ATG5: variants seen among roughly 807,000 people sequenced by gnomAD.
ATG5 encodes the protein autophagy protein 5.
In ATG5, 14 loss-of-function variants were observed where a neutral mutation model predicts 36.5. The ratio of observed to expected loss-of-function variants is 0.38; its 90% confidence interval spans 0.25 to 0.60. ATG5 has a LOEUF of 0.60. Among genes scored for constraint, ATG5 ranks in the 20% least tolerant of loss-of-function variants. The pLI is 0.60. For missense variants in ATG5, 195 were observed against 326.7 expected (o/e 0.60, Z 3.11); for synonymous variants, 95 against 101.5 (o/e 0.94, Z 0.38).
intron 6 of ATG5, among the ~76,000 whole-genome samples, chr6:106,210,286 AT>A (rs1200502341): frequency 6.6e-6 from 1 of 152,230 alleles, no homozygotes; most frequent in Admixed American, 6.5e-5. Flanking sequence ...AACAAAAGTA[AT>A]GTTTATAATA....
Position 106,313,974 on chromosome 6 carries a change from G to C in ATG5, c.108+2127C>G, listed in dbSNP as rs568639080. ...TTTATTATATGCCAGTCACCCAACA[G>C]TCTTCAAAAACACAAATCATGACTG... is the stretch of plus-strand genomic sequence containing the variant. On this transcript the variant is annotated intron_variant, in intron 2 of 7. Transcript: ENST00000369076. Among the ~76,000 whole-genome samples the C allele has an allele frequency of 1.1e-4, 17 of 152,264 alleles. No homozygotes were observed. In the East Asian group the frequency reaches 3.1e-3, roughly 28 times the overall value.
chr6:106,246,881 TA>T (rs1234112898), intron 6 of ATG5, among the ~76,000 whole-genome samples: 3 of 152,214 alleles, frequency 2.0e-5, no homozygotes, highest in Non-Finnish European at 4.4e-5. Context: ...TGACAAATGA[TA>T]AATGATTTAA....
chr6:106,253,938 T>C (rs1778698052), intron 5 of ATG5, among the ~76,000 whole-genome samples: 1 of 152,124 alleles, frequency 6.6e-6, no homozygotes, highest in Admixed American at 6.5e-5. Flanking sequence ...AAATACCTCT[T>C]CCCCTAGAAG....
At chr6:106,218,176 A>T (rs891704051) in intron 6 of ATG5, among the ~76,000 whole-genome samples, 3 of 152,176 alleles carry the variant, frequency 2.0e-5, no homozygotes, top group Non-Finnish European at 2.9e-5. Context: ...ACAAGCTATA[A>T]TCACTGTACT....
At chr6:106,191,352 T>G (rs1775961348) in intron 7 of ATG5, among the ~76,000 whole-genome samples, 1 of 152,116 alleles carries the variant, frequency 6.6e-6, no homozygotes, top group South Asian at 2.1e-4. Flanking sequence ...AAGTTCTGCT[T>G]GCTGATTTAT....
intron 2 of ATG5, 49 bp downstream of exon 2, chr6:106,316,052 A>G (rs777144954): frequency 2.0e-6 from 3 of 1,471,288 alleles, no homozygotes; most frequent in African/African-American, 2.8e-5. Context: ...TTTTTCTTAC[A>G]AAAATGGACA....
chr6:106,258,007 G>T (rs570210241), intron 5 of ATG5, among the ~76,000 whole-genome samples: 8 of 152,254 alleles, frequency 5.3e-5, no homozygotes, highest in Non-Finnish European at 1.0e-4. Context: ...GTACACAAGA[G>T]ATTGTTCCTT....
chr6:106,195,669 T>C (rs1776146769), intron 7 of ATG5, among the ~76,000 whole-genome samples: 2 of 152,146 alleles, frequency 1.3e-5, no homozygotes, highest in South Asian at 4.1e-4. Flanking sequence ...GTGTGTGTTC[T>C]GCAGTCAAGA....
At chr6:106,218,578 T>TA (rs1187098042) in intron 6 of ATG5, among the ~76,000 whole-genome samples, 4 of 152,144 alleles carry the variant, frequency 2.6e-5, no homozygotes, top group Non-Finnish European at 2.9e-5. Context: ...TCAAGCAGTG[T>TA]AAAAATCAGA....
chr6:106,322,454 G>A (rs1771121164), intron 1 of ATG5, among the ~76,000 whole-genome samples: 1 of 152,096 alleles, frequency 6.6e-6, no homozygotes, highest in Non-Finnish European at 1.5e-5. Context: ...ATAAACACTA[G>A]TTTCCTACTC....
chr6:106,231,157 C>T lies in ATG5; in HGVS notation c.573+16993G>A, dbSNP rs1769969. Among the ~76,000 whole-genome samples the T allele has an allele frequency of 7.6e-3, 1,163 of 152,308 alleles. 20 individuals are homozygous for T. The highest frequency in any genetic ancestry group is 0.025 in the African/African-American group (1,022 of 41,554). On this transcript the variant is annotated intron_variant, in intron 6 of 7. Coordinates refer to ENST00000369076, the MANE Select transcript of ATG5 (RefSeq NM_004849.4). ...GAGAATTCGGCCCAGCCAGAGTGCA[C>T]GTACCTTTTTCTCTCTCAGACTTTA...
intron 1 of ATG5, among the ~76,000 whole-genome samples, chr6:106,323,160 GTCTCCTGACC>G (rs1173827068): frequency 6.6e-6 from 1 of 151,364 alleles, no homozygotes; most frequent in Non-Finnish European, 1.5e-5. Context: ...GATGGTCTCG[GTCTCCTGACC>G]TCGTGATCCG....
intron 5 of ATG5, among the ~76,000 whole-genome samples, chr6:106,251,615 A>C: frequency 1.2e-4 from 1 of 8,406 alleles, no homozygotes; most frequent in Middle Eastern, 0.056. Context: ...TCCCAGCAAT[A>C]GCTAAAAACA....
intron 3 of ATG5, among the ~76,000 whole-genome samples, chr6:106,298,280 AT>A (rs1411710736): frequency 3.3e-5 from 5 of 151,942 alleles, no homozygotes; most frequent in African/African-American, 7.2e-5. Context: ...AAATCTTAAA[AT>A]TTTTTTTTAA....
rs558158815 is a variant in ATG5 at position 106,198,701 on chromosome 6, C to T, written c.691+3271G>A. Among the ~76,000 whole-genome samples the T allele has an allele frequency of 1.3e-4, 19 of 151,732 alleles. No individual in the cohort carries two copies. The South Asian group carries it at 3.8e-3, about 30-fold the overall frequency. On this transcript the variant is annotated intron_variant, in intron 7 of 7. Transcript: ENST00000369076. Reference sequence around the variant, plus strand: ...CTGAGTCACGAGAATCACTTGAACCCGGAGGTGGAGGTTGCAGTTAGCCAA... The same window carrying T: ...CTGAGTCACGAGAATCACTTGAACCTGGAGGTGGAGGTTGCAGTTAGCCAA...
At chr6:106,219,779 A>G (rs764948788) in intron 6 of ATG5, among the ~76,000 whole-genome samples, 27 of 151,770 alleles carry the variant, frequency 1.8e-4, no homozygotes, top group Non-Finnish European at 2.8e-4. Flanking sequence ...GTATAATTTT[A>G]TGTTGTTCAC....
intron 4 of ATG5, among the ~76,000 whole-genome samples, chr6:106,288,138 T>A (rs56204731): frequency 0.069 from 10,435 of 151,808 alleles, 647 homozygotes; most frequent in Admixed American, 0.22. Context: ...GCCCAGCTAA[T>A]TTTTGTATTT....
At chr6:106,252,615 C>T (rs571659866) in intron 5 of ATG5, among the ~76,000 whole-genome samples, 4 of 152,198 alleles carry the variant, frequency 2.6e-5, no homozygotes, top group East Asian at 3.9e-4. Context: ...TTAAGCTTTA[C>T]GAGAGGTAAA....
intron 5 of ATG5, among the ~76,000 whole-genome samples, chr6:106,251,941 A>G (rs1438248832): frequency 6.6e-6 from 1 of 151,934 alleles, no homozygotes; most frequent in African/African-American, 2.4e-5. Context: ...CCCAGGTTCA[A>G]GAGGTTCTCC....
Sources: gnomAD v4.1 joint callset for allele counts (sites outside exome capture counted in the v4.1 genomes callset) on GRCh38, gnomAD v4.1.1 for gene constraint, MANE v1.5 for transcripts, NCBI Gene and HGNC (gene_info 2026-07-23, HGNC 2026-07-21) for gene names.